The following ITPR1 variants were observed in gnomAD, a reference collection of about 807,000 sequenced individuals.
ITPR1 encodes inositol 1,4,5-trisphosphate receptor type 1.
ITPR1 carries 96 observed loss-of-function variants against 318.4 expected under a neutral mutation model. The observed-to-expected ratio is 0.30, with a 90% CI of 0.26 to 0.36. ITPR1 has a LOEUF of 0.36. Among genes scored for constraint, ITPR1 ranks in the 10% least tolerant of loss-of-function variants. The pLI is 1.00. For synonymous variants in ITPR1, 1,312 were observed against 1,289.9 expected (o/e 1.02, Z -0.37); for missense variants, 2,440 against 3,460.2 (o/e 0.71, Z 7.40).
rs924029280 is a variant in ITPR1, at chr3:4,744,463, G to A, written c.5544+9109G>A. 7.9e-5 allele frequency among the ~76,000 whole-genome samples: 12 copies of A among 152,152 alleles called. No individual in the cohort carries two copies. The South Asian group carries it at 8.3e-4, about 11-fold the overall frequency. ...CAGGGATTAGTAAATGGTAGCCCAC[G>A]GGAAAAATCCAGACAGCTGCCTGTG... On this transcript the variant is annotated intron_variant, in intron 44 of 61. Transcript: ENST00000649015.
chr3:4,691,349 T>C lies in ITPR1; in HGVS notation c.4029+5T>C. ...CAAGACATGGTTATGGCCGAGGTGA[T>C]TGTTATATATTTCTGTATACCTCCA... On this transcript the variant is annotated splice_donor_5th_base_variant and intron_variant, in intron 32 of 61. Transcript: ENST00000649015. 6.3e-7 allele frequency: 1 copy of C among 1,589,930 alleles called. No individual in the cohort carries two copies. Among genetic ancestry groups the C allele is most frequent in the Non-Finnish European group, 8.6e-7 (1 of 1,159,356 alleles).
chr3:4,525,048 CAT>C (rs2082868939), intron 4 of ITPR1, among the ~76,000 whole-genome samples: 1 of 152,082 alleles, frequency 6.6e-6, no homozygotes, highest in Non-Finnish European at 1.5e-5. Context: ...TTGTAAATCT[CAT>C]GTTTAATTTT....
At chr3:4,666,968 C>T (rs746784883) in intron 17 of ITPR1, among the ~76,000 whole-genome samples, 1 of 152,198 alleles carries the variant, frequency 6.6e-6, no homozygotes, top group African/African-American at 2.4e-5. Flanking sequence ...TGTTCCAGAT[C>T]TCCAGGTAGG....
At chr3:4,609,418 C>T (rs578198184) in intron 4 of ITPR1, among the ~76,000 whole-genome samples, 7 of 152,012 alleles carry the variant, frequency 4.6e-5, no homozygotes, top group Admixed American at 1.3e-4. Context: ...GGTATATACA[C>T]GACGTTTTTG....
At chr3:4,670,602 C>T (rs759773780) in intron 19 of ITPR1, 127 bp from the exon 20 acceptor site, 13 of 697,840 alleles carry the variant, frequency 1.9e-5, no homozygotes, top group East Asian at 5.4e-5. Context: ...AGGCTCTCTG[C>T]GGCTCTGCCC....
In ITPR1 at chr3:4,514,038, G is replaced by T. The variant is rs919739890; in HGVS notation, c.-16-2438G>T. ...GGAGGTGGAGGTTGCAGTGAGCTGA[G>T]ATTGTGCCACTGCACTCCAGCTTGG... is the stretch of plus-strand genomic sequence containing the variant. On this transcript the variant is annotated intron_variant, in intron 2 of 61. Transcript: ENST00000649015. Among the ~76,000 whole-genome samples, 10 of 151,778 alleles carry T rather than the reference G, an allele frequency of 6.6e-5. No homozygotes were observed. In the East Asian group the frequency reaches 1.5e-3, roughly 24 times the overall value.
At chr3:4,668,694 CTGACCT>C (rs1264154085) in intron 18 of ITPR1, among the ~76,000 whole-genome samples, 1 of 152,152 alleles carries the variant, frequency 6.6e-6, no homozygotes, top group East Asian at 1.9e-4. Flanking sequence ...TCTTGAACTC[CTGACCT>C]CGTGATCTGT....
At chr3:4,671,926 C>T (rs1185900290) in intron 20 of ITPR1, 2 of 152,146 alleles carry the variant, frequency 1.3e-5, no homozygotes, top group Non-Finnish European at 2.9e-5. Flanking sequence ...ATAAATGGGA[C>T]TGTACTCCAA....
chr3:4,524,890 G>A (rs930363333), intron 4 of ITPR1, among the ~76,000 whole-genome samples: 19 of 152,272 alleles, frequency 1.2e-4, no homozygotes, highest in Non-Finnish European at 2.6e-4. Flanking sequence ...TGTAAAATGG[G>A]AGAGGATAAT....
intron 19 of ITPR1, 77 bp downstream of exon 19, chr3:4,669,850 C>T (rs1333340244): frequency 3.7e-6 from 5 of 1,343,514 alleles, no homozygotes; most frequent in Non-Finnish European, 4.9e-6. Context: ...TAAAACCTAG[C>T]CCTATCATTT....
At chr3:4,694,903 T>C (rs1238725490) in intron 33 of ITPR1, among the ~76,000 whole-genome samples, 1 of 152,252 alleles carries the variant, frequency 6.6e-6, no homozygotes, top group Non-Finnish European at 1.5e-5. Flanking sequence ...TAATTTATTA[T>C]GTTCTTGTGT....
intron 44 of ITPR1, among the ~76,000 whole-genome samples, chr3:4,759,234 G>C (rs114350864): frequency 0.028 from 4,252 of 152,336 alleles, 200 homozygotes; most frequent in African/African-American, 0.098. Context: ...GACTTGCAGG[G>C]CTGGGGGAGG....
intron 4 of ITPR1, among the ~76,000 whole-genome samples, chr3:4,589,630 G>T (rs2090214566): frequency 6.6e-6 from 1 of 152,056 alleles, no homozygotes; most frequent in Non-Finnish European, 1.5e-5. Context: ...ACCATGGCTG[G>T]AGCTGGAGTG....
At chr3:4,564,172 C>G (rs2086977046) in intron 4 of ITPR1, among the ~76,000 whole-genome samples, 1 of 152,132 alleles carries the variant, frequency 6.6e-6, no homozygotes, top group East Asian at 1.9e-4. Flanking sequence ...AGCTCCTGAC[C>G]TCAGCTGATC....
At chr3:4,510,206 C>T (rs191474067) in intron 2 of ITPR1, among the ~76,000 whole-genome samples, 2 of 152,026 alleles carry the variant, frequency 1.3e-5, no homozygotes, top group African/African-American at 2.4e-5. Flanking sequence ...GCCCAGGGAA[C>T]AGAGCATGGT....
chr3:4,836,068 C>T lies in ITPR1; in HGVS notation c.8029-706C>T, dbSNP rs149951806. On this transcript the variant is annotated intron_variant, in intron 60 of 61. Transcript: ENST00000649015. ...TTAATGATCTCCTCACCCACGCAAA[C>T]GCATACATGCACACGTATCTGTTAA... Among the ~76,000 whole-genome samples the T allele has an allele frequency of 3.1e-4, 47 of 152,316 alleles. No individual in the cohort carries two copies. The East Asian group carries it at 6.0e-3, about 19-fold the overall frequency.
At chr3:4,722,857 G>C (rs968477027) in intron 40 of ITPR1, among the ~76,000 whole-genome samples, 2 of 152,192 alleles carry the variant, frequency 1.3e-5, no homozygotes, top group Non-Finnish European at 2.9e-5. Context: ...GAATCCTAAA[G>C]AATATTTGCA....
chr3:4,710,501 C>A lies in ITPR1; in HGVS notation c.4991+28C>A. 6.5e-7 allele frequency: 1 copy of A among 1,546,638 alleles called. No homozygotes were observed. Among genetic ancestry groups the A allele is most frequent in the South Asian group, 1.2e-5 (1 of 83,664 alleles). On this transcript the variant is annotated intron_variant, in intron 38 of 61. Coordinates refer to ENST00000649015, the MANE Select transcript of ITPR1 (RefSeq NM_001378452.1). The surrounding 1 kb of genome is among the most constrained non-coding windows in gnomAD (Gnocchi z 4.2). ...AAGCGGCCTCTCTCTCTGGGGTGTT[C>A]ATTTGCCAGAACCTTGATGACCTCA...
At chr3:4,756,483 C>T (rs2044999822) in intron 44 of ITPR1, among the ~76,000 whole-genome samples, 1 of 152,144 alleles carries the variant, frequency 6.6e-6, no homozygotes, top group African/African-American at 2.4e-5. Flanking sequence ...CCTCCTCCCA[C>T]CCTCCACCCT....
Sources: allele counts gnomAD v4.1 joint callset (sites outside exome capture counted in the v4.1 genomes callset), GRCh38; gene constraint gnomAD v4.1.1; non-coding constraint Gnocchi (gnomAD v3.1); transcripts MANE v1.5; gene names NCBI Gene and HGNC (gene_info 2026-07-23, HGNC 2026-07-21).